The following TEAD1 variants were observed in gnomAD, a reference collection of about 807,000 sequenced individuals.
The protein encoded by TEAD1 is TEA domain transcription factor 1.
TEAD1 carries 9 observed loss-of-function variants against 54.9 expected under a neutral mutation model. That is an observed-to-expected ratio of 0.16 (90% CI 0.10 to 0.29). TEAD1 has a LOEUF of 0.29. Ranked by LOEUF, TEAD1 falls within the 10% of genes least tolerant of loss-of-function variation. The probability of loss-of-function intolerance (pLI) is 1.00; values close to 1 mark genes in which losing one functional copy is unlikely to be tolerated. For synonymous variants in TEAD1, 200 were observed against 187.8 expected (o/e 1.07, Z -0.53); for missense variants, 387 against 535.9 (o/e 0.72, Z 2.74).
intron 3 of TEAD1, among the ~76,000 whole-genome samples, chr11:12,814,852 C>A (rs1411675359): frequency 1.5e-5 from 2 of 137,524 alleles, no homozygotes; most frequent in East Asian, 4.3e-4. Flanking sequence ...CCCGTCCGTC[C>A]CGAGCTGTGT....
chr11:12,909,111 C>A (rs1948574570), intron 10 of TEAD1, among the ~76,000 whole-genome samples: 1 of 152,132 alleles, frequency 6.6e-6, no homozygotes, highest in African/African-American at 2.4e-5. Flanking sequence ...TATTTGAGTT[C>A]TTCTACATCT....
At position 12,940,853 on chromosome 11, in the gene TEAD1, C is replaced by T. The variant is rs952422895; in HGVS notation, c.*3631C>T. 13 of 152,306 alleles carry T rather than the reference C, an allele frequency of 8.5e-5. No homozygotes were observed. The highest frequency in any genetic ancestry group is 3.1e-4 in the African/African-American group (13 of 41,560). 9.4% of individuals were successfully genotyped at this position (152,306 alleles called of 1,614,324 possible). A position where few individuals can be genotyped will look rare whatever the true frequency, so the allele number is the denominator to read the frequency against. ...CTGTTCTGTAAATTTATTGAAACCT[C>T]TGGAACATTTCACCTTTAGAGATGG... On this transcript the variant is annotated 3_prime_UTR_variant, in exon 13 of 13. Coordinates refer to ENST00000527636, the MANE Select transcript of TEAD1 (RefSeq NM_021961.6).
chr11:12,736,145 T>C (rs777855857), intron 2 of TEAD1, among the ~76,000 whole-genome samples: 14 of 152,252 alleles, frequency 9.2e-5, no homozygotes, highest in Non-Finnish European at 1.6e-4. Flanking sequence ...GTTTGCCTCT[T>C]GGATTCCTCT....
intron 3 of TEAD1, among the ~76,000 whole-genome samples, chr11:12,792,747 G>A (rs1323022289): frequency 1.3e-5 from 2 of 152,118 alleles, no homozygotes; most frequent in Non-Finnish European, 2.9e-5. Context: ...ATTGGTTATG[G>A]GCCAGGTCCC....
Position 12,938,193 on chromosome 11 carries a change from A to G in TEAD1, c.*971A>G, listed in dbSNP as rs1949127502. On this transcript the variant is annotated 3_prime_UTR_variant, in exon 13 of 13. Coordinates refer to ENST00000527636, the MANE Select transcript of TEAD1 (RefSeq NM_021961.6). ...TTTGAACCACTGAATTTTAATAACA[A>G]AATTTTAAAATTGGCATGAATACGG... 6.6e-6 allele frequency: 1 copy of G among 152,654 alleles called. No homozygotes were observed. The highest frequency in any genetic ancestry group is 6.5e-5 in the Admixed American group (1 of 15,288). The allele number at this position is 152,654 out of a possible 1,614,324, so 9.5% of individuals were successfully genotyped here.
intron 3 of TEAD1, among the ~76,000 whole-genome samples, chr11:12,771,631 G>C (rs925933987): frequency 6.6e-6 from 1 of 152,188 alleles, no homozygotes; most frequent in Non-Finnish European, 1.5e-5. Context: ...TCATATGCTT[G>C]ATGTACTGGA....
intron 3 of TEAD1, among the ~76,000 whole-genome samples, chr11:12,857,955 G>A (rs1564966084): frequency 6.6e-6 from 1 of 152,144 alleles, no homozygotes. Flanking sequence ...GTATGGTGGA[G>A]CAGGCCTGTA....
chr11:12,748,991 C>G (rs1378841108), intron 2 of TEAD1, among the ~76,000 whole-genome samples: 1 of 152,298 alleles, frequency 6.6e-6, no homozygotes, highest in East Asian at 1.9e-4. Context: ...GAAACATCAT[C>G]TCTGAGAGGA....
chr11:12,752,895 C>T (rs528700685), intron 2 of TEAD1, among the ~76,000 whole-genome samples: 20 of 151,684 alleles, frequency 1.3e-4, no homozygotes, highest in African/African-American at 4.4e-4. Flanking sequence ...GGCCAGAGTG[C>T]GGTGGCGTGA....
chr11:12,821,649 A>C (rs1309387817), intron 3 of TEAD1, among the ~76,000 whole-genome samples: 1 of 152,102 alleles, frequency 6.6e-6, no homozygotes, highest in Non-Finnish European at 1.5e-5. Flanking sequence ...GGAACATCTT[A>C]ATTAAAGATT....
intron 3 of TEAD1, among the ~76,000 whole-genome samples, chr11:12,803,884 G>A (rs1946116189): frequency 2.6e-5 from 4 of 152,324 alleles, no homozygotes; most frequent in South Asian, 2.1e-4. Context: ...TTTATAGGAC[G>A]CCAACACTTG....
chr11:12,872,507 C>T (rs958383455), intron 5 of TEAD1, among the ~76,000 whole-genome samples: 4 of 152,132 alleles, frequency 2.6e-5, no homozygotes, highest in African/African-American at 7.2e-5. Context: ...TTTAACTGAA[C>T]GAAAACTAAG....
At chr11:12,834,981 G>A (rs1490273727) in intron 3 of TEAD1, among the ~76,000 whole-genome samples, 3 of 152,124 alleles carry the variant, frequency 2.0e-5, no homozygotes, top group African/African-American at 7.2e-5. Context: ...TAGAGAAAAT[G>A]CTTTAGAGTT....
intron 10 of TEAD1, among the ~76,000 whole-genome samples, chr11:12,906,499 G>A (rs1948523254): frequency 6.7e-6 from 1 of 149,622 alleles, no homozygotes. Flanking sequence ...CAAAGATCAC[G>A]CCACTGCACT....
Position 12,710,961 on chromosome 11 carries a change from A to C in TEAD1, c.-55+35400A>C, listed in dbSNP as rs561802058. On this transcript the variant is annotated intron_variant, in intron 2 of 12. Transcript: ENST00000527636. ...GCTGGTACAAAGGCACAGACATAGG[A>C]TATCTGGGAGGCCCCCGCCATTTTG... 6.6e-5 allele frequency among the ~76,000 whole-genome samples: 10 copies of C among 152,242 alleles called. No homozygotes were observed. The East Asian group carries it at 1.7e-3, about 26-fold the overall frequency.
chr11:12,723,040 G>A (rs183772842), intron 2 of TEAD1, among the ~76,000 whole-genome samples: 2 of 151,488 alleles, frequency 1.3e-5, no homozygotes, highest in East Asian at 3.9e-4. Flanking sequence ...TGTGCTTATT[G>A]TGGATTTTTT....
rs146775895 is a variant in TEAD1 at position 12,831,470 on chromosome 11, G to T, written c.203-30780G>T. 6.6e-4 allele frequency among the ~76,000 whole-genome samples: 101 copies of T among 152,264 alleles called. 1 individual carries two copies. Among genetic ancestry groups the T allele is most frequent in the African/African-American group, 2.2e-3 (93 of 41,540 alleles). On this transcript the variant is annotated intron_variant, in intron 3 of 12. Coordinates refer to ENST00000527636, the MANE Select transcript of TEAD1 (RefSeq NM_021961.6). ...TTTGTGTCTTAAAAATCTTGCTCTT[G>T]TATAGTCAAGAAATTATTGTTTGAA... is the stretch of plus-strand genomic sequence containing the variant.
chr11:12,869,545 T>C (rs1446110545), intron 5 of TEAD1, among the ~76,000 whole-genome samples: 6 of 152,228 alleles, frequency 3.9e-5, no homozygotes, highest in African/African-American at 7.2e-5. Context: ...TTGGGTTCTC[T>C]TAAAGTAATG....
intron 12 of TEAD1, among the ~76,000 whole-genome samples, chr11:12,936,537 TA>T (rs1370045101): frequency 6.6e-6 from 1 of 152,152 alleles, no homozygotes; most frequent in Non-Finnish European, 1.5e-5. Context: ...AGTTTAAGAC[TA>T]GGATGGGAAA....
Sources: allele counts gnomAD v4.1 joint callset (sites outside exome capture counted in the v4.1 genomes callset), GRCh38; gene constraint gnomAD v4.1.1; transcripts MANE v1.5; gene names NCBI Gene and HGNC (gene_info 2026-07-23, HGNC 2026-07-21).